The following RBM20 variants were observed in gnomAD, a reference collection of about 807,000 sequenced individuals.
RBM20 encodes the protein RNA-binding protein 20.
In RBM20, 51 loss-of-function variants were observed where a neutral mutation model predicts 110.1. The ratio of observed to expected loss-of-function variants is 0.46; its 90% CI spans 0.37 to 0.59. The LOEUF (loss-of-function observed/expected upper bound fraction) is 0.59, where lower values mean the gene tolerates loss of function less well. Ranked by LOEUF, RBM20 falls within the 20% of genes least tolerant of loss-of-function variation. RBM20 has a pLI of 0.00. For missense variants in RBM20, 1,512 were observed against 1,574.9 expected (o/e 0.96, Z 0.68); for synonymous variants, 589 against 618.2 (o/e 0.95, Z 0.70).
intron 12 of RBM20, among the ~76,000 whole-genome samples, chr10:110,830,747 A>G (rs919947151): frequency 2.0e-5 from 3 of 152,234 alleles, no homozygotes; most frequent in Non-Finnish European, 4.4e-5. Context: ...AATCACCTTC[A>G]TTGTTCTTGG....
At chr10:110,723,330 T>A (rs1843529490) in intron 1 of RBM20, among the ~76,000 whole-genome samples, 1 of 152,174 alleles carries the variant, frequency 6.6e-6, no homozygotes, top group Admixed American at 6.5e-5. Context: ...CCATTAGCAG[T>A]CACTCCCCAT....
At chr10:110,755,657 G>T (rs56097477) in intron 1 of RBM20, among the ~76,000 whole-genome samples, 3 of 152,312 alleles carry the variant, frequency 2.0e-5, no homozygotes, top group Non-Finnish European at 4.4e-5. Context: ...TTTGCTTTAA[G>T]ATATTAGTAG....
At chr10:110,669,261 C>A (rs1015596316) in intron 1 of RBM20, among the ~76,000 whole-genome samples, 1 of 152,146 alleles carries the variant, frequency 6.6e-6, no homozygotes, top group African/African-American at 2.4e-5. Flanking sequence ...GAGAGGGAAG[C>A]ACTGGGAAGG....
intron 1 of RBM20, among the ~76,000 whole-genome samples, chr10:110,778,489 GT>G: frequency 6.6e-6 from 1 of 152,222 alleles, no homozygotes; most frequent in Non-Finnish European, 1.5e-5. Context: ...AGCCTCTCTC[GT>G]TTTTGTTCCA....
intron 1 of RBM20, among the ~76,000 whole-genome samples, chr10:110,743,090 A>G (rs1203016766): frequency 6.6e-6 from 1 of 152,256 alleles, no homozygotes; most frequent in Non-Finnish European, 1.5e-5. Context: ...TCAGGGTTTA[A>G]TCACTCCCCT....
intron 3 of RBM20, 32 bp from the exon 4 acceptor site, chr10:110,784,309 A>G: frequency 6.8e-7 from 1 of 1,460,046 alleles, no homozygotes; most frequent in Non-Finnish European, 9.4e-7. Flanking sequence ...TAACTTATTA[A>G]GGAGCCGGTT....
In RBM20 at chr10:110,830,303, C is replaced by T. The variant is rs577111021; in HGVS notation, c.3452-758C>T. On this transcript the variant is annotated intron_variant, in intron 12 of 13. Coordinates refer to ENST00000369519, the MANE Select transcript of RBM20 (RefSeq NM_001134363.3). Reference sequence around the variant, plus strand: ...CTGTGACATTGTCACTCCTCTCTGGCGGTGGTGCCAGTTGTTTCCTTTGCT... The same window carrying T: ...CTGTGACATTGTCACTCCTCTCTGGTGGTGGTGCCAGTTGTTTCCTTTGCT... Among the ~76,000 whole-genome samples the T allele has an allele frequency of 2.6e-3, 394 of 152,330 alleles. 4 individuals are homozygous for T. The highest frequency in any genetic ancestry group is 8.8e-3 in the African/African-American group (367 of 41,570).
chr10:110,741,821 C>T (rs998183353), intron 1 of RBM20, among the ~76,000 whole-genome samples: 3 of 152,002 alleles, frequency 2.0e-5, no homozygotes, highest in South Asian at 2.1e-4. Flanking sequence ...TGACCCCCCT[C>T]CCTCCCCAGG....
At chr10:110,811,503 A>C (rs1844767040) in intron 8 of RBM20, among the ~76,000 whole-genome samples, 1 of 152,232 alleles carries the variant, frequency 6.6e-6, no homozygotes, top group Admixed American at 6.5e-5. Context: ...TTTTTTAAAG[A>C]CGTGTAAAGC....
At chr10:110,770,254 A>G (rs914605013) in intron 1 of RBM20, among the ~76,000 whole-genome samples, 1 of 152,138 alleles carries the variant, frequency 6.6e-6, no homozygotes, top group Non-Finnish European at 1.5e-5. Flanking sequence ...AATTTGAATT[A>G]CTGCTGTTAT....
chr10:110,717,477 C>A (rs567319015), intron 1 of RBM20, among the ~76,000 whole-genome samples: 2 of 152,262 alleles, frequency 1.3e-5, no homozygotes, highest in African/African-American at 4.8e-5. Flanking sequence ...CCCCCAAGAA[C>A]CCCCTTCAGT....
At position 110,803,876 on chromosome 10, in the gene RBM20, T is replaced by G. The variant is rs532085292; in HGVS notation, c.1800+3958T>G. Among the ~76,000 whole-genome samples the G allele has an allele frequency of 3.8e-4, 47 of 123,976 alleles. 1 individual carries two copies. The highest frequency in any genetic ancestry group is 1.3e-3 in the African/African-American group (40 of 31,386). The allele number at this position is 123,976 out of a possible 152,430, so 81.3% of individuals were successfully genotyped here. ...TGCATGTAAATGAAACGTCCAGGAG[T>G]AGATCTGGCTGCAGGTGCGGCTGGA... On this transcript the variant is annotated intron_variant, in intron 7 of 13. Coordinates refer to ENST00000369519, the MANE Select transcript of RBM20 (RefSeq NM_001134363.3).
intron 1 of RBM20, among the ~76,000 whole-genome samples, chr10:110,732,573 A>T (rs1843630440): frequency 6.6e-6 from 1 of 152,026 alleles, no homozygotes. Context: ...AATTTCTTTT[A>T]TTTCTCAAAC....
intron 1 of RBM20, among the ~76,000 whole-genome samples, chr10:110,669,292 G>A (rs11195260): frequency 0.4 from 60,507 of 152,012 alleles, 13,292 homozygotes; most frequent in East Asian, 0.65. Context: ...GTCTGTATGC[G>A]TGTGGCGGGG....
At chr10:110,692,465 C>G (rs1206798294) in intron 1 of RBM20, among the ~76,000 whole-genome samples, 1 of 152,156 alleles carries the variant, frequency 6.6e-6, no homozygotes, top group Non-Finnish European at 1.5e-5. Flanking sequence ...AGCCTTTCAT[C>G]TCCTTGCTTT....
intron 5 of RBM20, among the ~76,000 whole-genome samples, chr10:110,787,539 C>T (rs1203725471): frequency 1.3e-5 from 2 of 152,228 alleles, no homozygotes; most frequent in African/African-American, 4.8e-5. Flanking sequence ...TTACACAAAT[C>T]TGTCTAGTAA....
At chr10:110,655,124 A>G (rs1862002771) in intron 1 of RBM20, among the ~76,000 whole-genome samples, 1 of 152,228 alleles carries the variant, frequency 6.6e-6, no homozygotes, top group Admixed American at 6.5e-5. Flanking sequence ...CTCTGTGTAA[A>G]TATCTGTTTC....
chr10:110,773,468 C>T (rs1409624719), intron 1 of RBM20, among the ~76,000 whole-genome samples: 3 of 151,904 alleles, frequency 2.0e-5, no homozygotes, highest in Admixed American at 6.6e-5. Context: ...GTTTGTTTTC[C>T]TCTTCATATT....
chr10:110,793,199 G>A (rs548190502), intron 5 of RBM20, among the ~76,000 whole-genome samples: 1 of 152,310 alleles, frequency 6.6e-6, no homozygotes, highest in Non-Finnish European at 1.5e-5. Flanking sequence ...GGCTGAGCTG[G>A]GGATTGAACC....
Sources: gnomAD v4.1 joint callset for allele counts (sites outside exome capture counted in the v4.1 genomes callset) on GRCh38, gnomAD v4.1.1 for gene constraint, MANE v1.5 for transcripts, NCBI Gene and HGNC (gene_info 2026-07-23, HGNC 2026-07-21) for gene names.